Variants in EIF4G3 observed in about 807,000 individuals in gnomAD.
The protein encoded by EIF4G3 is eIF-4-gamma 3.
EIF4G3 carries 34 observed loss-of-function variants against 186.4 expected under a neutral mutation model. That is an observed-to-expected ratio of 0.18 (90% confidence interval 0.14 to 0.24). The LOEUF (loss-of-function observed/expected upper bound fraction) is 0.24, where lower values mean the gene tolerates loss of function less well. Among genes scored for constraint, EIF4G3 ranks in the 10% least tolerant of loss-of-function variants. The probability of loss-of-function intolerance (pLI) is 1.00; values close to 1 mark genes in which losing one functional copy is unlikely to be tolerated. For missense variants in EIF4G3, 1,536 were observed against 1,948.5 expected (o/e 0.79, Z 3.99); for synonymous variants, 673 against 679.5 (o/e 0.99, Z 0.15).
At chr1:20,963,068 T>C (rs879925362) in intron 12 of EIF4G3, among the ~76,000 whole-genome samples, 2 of 152,034 alleles carry the variant, frequency 1.3e-5, no homozygotes, top group African/African-American at 2.4e-5. Context: ...TTTGTGTCTG[T>C]TGACACTTCT....
At chr1:20,910,461 G>A (rs1052878182) in intron 14 of EIF4G3, among the ~76,000 whole-genome samples, 42 of 152,110 alleles carry the variant, frequency 2.8e-4, no homozygotes, top group African/African-American at 2.7e-4. Flanking sequence ...GCAGGCCCCC[G>A]TAATCCCAGC....
At chr1:20,956,864 A>C (rs1573497194) in intron 12 of EIF4G3, among the ~76,000 whole-genome samples, 1 of 152,210 alleles carries the variant, frequency 6.6e-6, no homozygotes, top group East Asian at 1.9e-4. Flanking sequence ...TTGGCCTCCC[A>C]AAGTACTGGG....
In EIF4G3 at chr1:20,996,619, T is replaced by G. The variant is rs574603522; in HGVS notation, c.177+982A>C. 2.6e-5 allele frequency among the ~76,000 whole-genome samples: 4 copies of G among 152,338 alleles called. No homozygotes were observed. The South Asian group carries it at 8.3e-4, about 32-fold the overall frequency. On this transcript the variant is annotated intron_variant, in intron 7 of 36. Transcript: ENST00000602326. ...TAAATATGATAACACAGGCAAATACTGGTAACATTTACTTTATCCAACCAG... is the reference window on the plus strand; with the variant it reads ...TAAATATGATAACACAGGCAAATACGGGTAACATTTACTTTATCCAACCAG...
intron 3 of EIF4G3, among the ~76,000 whole-genome samples, chr1:21,084,144 A>G (rs2095880667): frequency 6.6e-6 from 1 of 152,074 alleles, no homozygotes; most frequent in South Asian, 2.1e-4. Flanking sequence ...TATCTAGATT[A>G]AAATCCAAAA....
intron 2 of EIF4G3, among the ~76,000 whole-genome samples, chr1:21,166,271 A>C (rs1012271370): frequency 1.3e-5 from 2 of 151,120 alleles, no homozygotes; most frequent in Non-Finnish European, 3.0e-5. Flanking sequence ...AAAAAAAAAA[A>C]ATTAAAAAAT....
chr1:20,876,016 G>A (rs1049340515), intron 20 of EIF4G3, among the ~76,000 whole-genome samples: 8 of 151,942 alleles, frequency 5.3e-5, no homozygotes, highest in African/African-American at 1.7e-4. Context: ...GAGCTCAGGA[G>A]TTCCAGATCA....
rs76453309 is a variant in EIF4G3 at position 21,117,057 on chromosome 1, A to G, written c.-271-27844T>C. Among the ~76,000 whole-genome samples, 919 of 152,268 alleles carry G rather than the reference A, an allele frequency of 6.0e-3. 13 individuals are homozygous for G. Among genetic ancestry groups the G allele is most frequent in the East Asian group, 0.024 (124 of 5,190 alleles). Reference sequence around the variant, plus strand: ...GATAAAGACTACATATCCAAATGTAATATCTATTAAATAATAACTTTTTTA... The same window carrying G: ...GATAAAGACTACATATCCAAATGTAGTATCTATTAAATAATAACTTTTTTA... On this transcript the variant is annotated intron_variant, in intron 2 of 36. Coordinates refer to ENST00000602326, the MANE Select transcript of EIF4G3 (RefSeq NM_001391906.1).
intron 4 of EIF4G3, among the ~76,000 whole-genome samples, chr1:21,041,947 T>C (rs1248692234): frequency 6.6e-6 from 1 of 152,108 alleles, no homozygotes; most frequent in Non-Finnish European, 1.5e-5. Flanking sequence ...AAAAAAAGTT[T>C]GTTGGTTTAG....
intron 23 of EIF4G3, among the ~76,000 whole-genome samples, chr1:20,861,013 A>G (rs1371803441): frequency 6.6e-6 from 1 of 152,198 alleles, no homozygotes; most frequent in Non-Finnish European, 1.5e-5. Flanking sequence ...TGGTTCTGAT[A>G]TTCTACACAA....
At chr1:21,100,569 A>G (rs1014486011) in intron 2 of EIF4G3, among the ~76,000 whole-genome samples, 4 of 152,172 alleles carry the variant, frequency 2.6e-5, no homozygotes, top group African/African-American at 7.2e-5. Flanking sequence ...TAGACTTAAA[A>G]AAAGTATGGC....
chr1:20,909,531 A>G (rs1465641170), intron 14 of EIF4G3, among the ~76,000 whole-genome samples: 1 of 152,240 alleles, frequency 6.6e-6, no homozygotes, highest in Non-Finnish European at 1.5e-5. Context: ...ATAAAGTTAA[A>G]AAAAACACCT....
At chr1:21,059,319 G>A (rs1394801311) in intron 3 of EIF4G3, among the ~76,000 whole-genome samples, 1 of 152,090 alleles carries the variant, frequency 6.6e-6, no homozygotes, top group Non-Finnish European at 1.5e-5. Context: ...TGCTCCTCAA[G>A]CAGCAGAATA....
intron 4 of EIF4G3, among the ~76,000 whole-genome samples, chr1:21,010,539 G>A (rs2086746223): frequency 6.6e-6 from 1 of 152,006 alleles, no homozygotes; most frequent in Admixed American, 6.6e-5. Context: ...TATGCACATA[G>A]TACAACAGAT....
At chr1:20,809,547 T>A (rs1175212216) in intron 36 of EIF4G3, among the ~76,000 whole-genome samples, 1 of 152,252 alleles carries the variant, frequency 6.6e-6, no homozygotes, top group Non-Finnish European at 1.5e-5. Flanking sequence ...GTGTACAGGT[T>A]ACTTTGTTTC....
intron 3 of EIF4G3, among the ~76,000 whole-genome samples, chr1:21,078,239 G>A (rs2095649841): frequency 6.6e-6 from 1 of 152,076 alleles, no homozygotes; most frequent in East Asian, 1.9e-4. Flanking sequence ...ACAGAATAAT[G>A]GATAATATAA....
intron 36 of EIF4G3, 23 bp from the exon 37 acceptor site, chr1:20,807,523 T>C (rs1450010648): frequency 6.4e-7 from 1 of 1,567,242 alleles, no homozygotes; most frequent in Non-Finnish European, 8.7e-7. Context: ...GAAAATAAAC[T>C]ATAAGCTTTG....
intron 2 of EIF4G3, among the ~76,000 whole-genome samples, chr1:21,163,930 C>T (rs920067259): frequency 6.6e-6 from 1 of 152,070 alleles, no homozygotes; most frequent in African/African-American, 2.4e-5. Flanking sequence ...TGCCACCACA[C>T]CTGGCTAATT....
chr1:21,095,062 G>A (rs908991418), intron 2 of EIF4G3, among the ~76,000 whole-genome samples: 2 of 151,908 alleles, frequency 1.3e-5, no homozygotes, highest in Non-Finnish European at 2.9e-5. Context: ...TGTTAATTCA[G>A]GTCCAAAAAC....
At chr1:20,859,158 CTT>C (rs966498444) in intron 24 of EIF4G3, among the ~76,000 whole-genome samples, 2 of 152,196 alleles carry the variant, frequency 1.3e-5, no homozygotes, top group Admixed American at 1.3e-4. Context: ...ACACTTGTAT[CTT>C]AGTCCTTTCT....
Sources: allele counts gnomAD v4.1 joint callset (sites outside exome capture counted in the v4.1 genomes callset), GRCh38; gene constraint gnomAD v4.1.1; transcripts MANE v1.5; gene names NCBI Gene and HGNC (gene_info 2026-07-23, HGNC 2026-07-21).